Variants in BCAR1 observed in about 807,000 individuals in gnomAD.
BCAR1 encodes the protein breast cancer anti-estrogen resistance protein 1.
In BCAR1, 30 loss-of-function variants were observed where a neutral mutation model predicts 67.6. That is an observed-to-expected ratio of 0.44 (90% CI 0.33 to 0.60). The LOEUF is 0.60. Among genes scored for constraint, BCAR1 ranks in the 20% least tolerant of loss-of-function variants. The pLI, the probability that BCAR1 is intolerant of heterozygous loss-of-function variation, is 0.02. For missense variants in BCAR1, 1,313 were observed against 1,222.3 expected (o/e 1.07, Z -1.11); for synonymous variants, 626 against 556.7 (o/e 1.12, Z -1.75).
chr16:75,266,030 C>T (rs117263010), intron 1 of BCAR1: 30 of 1,028,656 alleles, frequency 2.9e-5, no homozygotes, highest in South Asian at 4.6e-5. Flanking sequence ...CCGCCCCCCC[C>T]ACCGTCTCCG....
intron 2 of BCAR1, among the ~76,000 whole-genome samples, chr16:75,237,706 G>C (rs2077190232): frequency 6.6e-6 from 1 of 152,172 alleles, no homozygotes; most frequent in African/African-American, 2.4e-5. Context: ...CTACCCACAG[G>C]CAAGGAACCC....
upstream of BCAR1, chr16:75,251,659 C>G (rs1349128644): frequency 2.0e-6 from 2 of 998,030 alleles, no homozygotes; most frequent in Non-Finnish European, 2.4e-6. Flanking sequence ...GCCCAGCCGG[C>G]CCAGCCCGAT....
chr16:75,251,090 A>G, intron 1 of BCAR1: 1 of 638,912 alleles, frequency 1.6e-6, no homozygotes, highest in Non-Finnish European at 2.0e-6. Context: ...CACCCGCCAG[A>G]GGCTCAACGG....
chr16:75,231,969 C>T (rs1360668826), intron 6 of BCAR1, among the ~76,000 whole-genome samples: 1 of 152,140 alleles, frequency 6.6e-6, no homozygotes, highest in Non-Finnish European at 1.5e-5. Context: ...GCAACCTCCG[C>T]CTCCTGGGTT....
At chr16:75,248,288 GCA>G (rs1289341881) in intron 1 of BCAR1, 3 of 1,426,128 alleles carry the variant, frequency 2.1e-6, no homozygotes, top group East Asian at 5.2e-5. Flanking sequence ...ACCCGCCCCA[GCA>G]CAGAGCCTCG....
chr16:75,236,103 G>A, intron 4 of BCAR1, 117 bp from the exon 5 acceptor site: 2 of 1,323,440 alleles, frequency 1.5e-6, no homozygotes, highest in Non-Finnish European at 2.0e-6. Context: ...CACACACACA[G>A]AGGCACGCGC....
chr16:75,244,799 T>G (rs1014258038), intron 1 of BCAR1, among the ~76,000 whole-genome samples: 5 of 152,142 alleles, frequency 3.3e-5, no homozygotes, highest in Non-Finnish European at 5.9e-5. Flanking sequence ...AGGCCCTGGA[T>G]GGCTGCAACA....
intron 1 of BCAR1, chr16:75,250,723 T>C: frequency 1.0e-6 from 1 of 985,482 alleles, no homozygotes; most frequent in Non-Finnish European, 1.2e-6. Context: ...GACCCTGCTC[T>C]AGCTCTTGCG....
chr16:75,245,664 G>C lies in BCAR1; in HGVS notation c.13-2574C>G, dbSNP rs557139998. Among the ~76,000 whole-genome samples the C allele has an allele frequency of 6.6e-5, 10 of 152,344 alleles. No homozygotes were observed. The South Asian group carries it at 2.1e-3, about 32-fold the overall frequency. The stretch of plus-strand genomic sequence containing the variant: ...AGGCTGGGAAGCATCTCACAGGCTG[G>C]GCACGTGGCACCAGGCGCCTGGCAC... On this transcript the variant is annotated intron_variant, in intron 1 of 6. Transcript: ENST00000162330.
intron 1 of BCAR1, among the ~76,000 whole-genome samples, chr16:75,243,785 C>T (rs2151439114): frequency 6.6e-6 from 1 of 152,320 alleles, no homozygotes; most frequent in East Asian, 1.9e-4. Flanking sequence ...GGCATGAGTG[C>T]CGTGGCGAGG....
At chr16:75,251,156 G>A (rs981626933) in intron 1 of BCAR1, among the ~76,000 whole-genome samples, 1 of 152,086 alleles carries the variant, frequency 6.6e-6, no homozygotes, top group Non-Finnish European at 1.5e-5. Flanking sequence ...GAGGCCCAAG[G>A]TGACACAGCA....
At chr16:75,251,648 G>A (rs1335252149), upstream of BCAR1, 6 of 998,016 alleles carry the variant, frequency 6.0e-6, no homozygotes, top group South Asian at 1.4e-4. Flanking sequence ...CTGCCGCCAC[G>A]GCCCAGCCGG....
intron 1 of BCAR1, chr16:75,264,806 A>C: frequency 2.7e-6 from 1 of 366,870 alleles, no homozygotes; most frequent in Non-Finnish European, 4.2e-6. Context: ...TTCCAGAAAC[A>C]AGGCCAGAGT....
At chr16:75,256,519 G>A (rs559398187), upstream of BCAR1, among the ~76,000 whole-genome samples, 2 of 151,958 alleles carry the variant, frequency 1.3e-5, no homozygotes, top group African/African-American at 4.8e-5. Context: ...ACGGATGGGG[G>A]GGGGTGGGGC....
rs16957329 is a variant in BCAR1, at chr16:75,228,379, G to A, written c.*1132C>T. 0.023 allele frequency: 3,575 copies of A among 152,262 alleles called. 84 individuals carry two copies. Among genetic ancestry groups the A allele is most frequent in the Middle Eastern group, 0.11 (33 of 294 alleles). 9.4% of individuals were successfully genotyped at this position (152,262 alleles called of 1,614,324 possible). Reference sequence around the variant, plus strand: ...AAACCAAGGCCCATGTTCATATGCAGAACGGTCAGGGCTGGGAGCAGCACC... The same window carrying A: ...AAACCAAGGCCCATGTTCATATGCAAAACGGTCAGGGCTGGGAGCAGCACC... On this transcript the variant is annotated 3_prime_UTR_variant, in exon 7 of 7. Coordinates refer to ENST00000162330, the MANE Select transcript of BCAR1 (RefSeq NM_014567.5).
chr16:75,232,370 G>A (rs2076930586), intron 6 of BCAR1, among the ~76,000 whole-genome samples: 3 of 152,112 alleles, frequency 2.0e-5, no homozygotes, highest in Admixed American at 6.5e-5. Context: ...ATGTTGACCA[G>A]GCTGGTCTCA....
At chr16:75,256,554 T>C (rs1019264348), upstream of BCAR1, among the ~76,000 whole-genome samples, 2 of 152,048 alleles carry the variant, frequency 1.3e-5, no homozygotes, top group African/African-American at 2.4e-5. Context: ...AGTCCTGGCC[T>C]GCATCCCACT....
At chr16:75,237,027 G>A (rs748078357) in intron 3 of BCAR1, 29 bp from the exon 4 acceptor site, 11 of 1,556,732 alleles carry the variant, frequency 7.1e-6, no homozygotes, top group South Asian at 1.2e-5. Flanking sequence ...AGGGTTAACG[G>A]CGCCAGGGCC....
chr16:75,259,408 G>A (rs568582213), intron 1 of BCAR1, among the ~76,000 whole-genome samples: 1 of 152,356 alleles, frequency 6.6e-6, no homozygotes, highest in East Asian at 1.9e-4. Flanking sequence ...TGAGGCAGGA[G>A]GATCGTTTAA....
Sources: allele counts gnomAD v4.1 joint callset (sites outside exome capture counted in the v4.1 genomes callset), GRCh38; gene constraint gnomAD v4.1.1; transcripts MANE v1.5; gene names NCBI Gene and HGNC (gene_info 2026-07-23, HGNC 2026-07-21).